The following WDR19 variants were observed in gnomAD, a reference collection of about 807,000 sequenced individuals.
WDR19 encodes the protein WD repeat-containing protein 19.
Under a neutral mutation model 180.0 loss-of-function variants are expected in WDR19, and 121 were observed. The ratio of observed to expected loss-of-function variants is 0.67; its 90% CI spans 0.58 to 0.78. WDR19 has a LOEUF of 0.78. WDR19 is among the 30% of genes least tolerant of loss of function. WDR19 has a pLI of 0.00. For synonymous variants in WDR19, 497 were observed against 540.7 expected (o/e 0.92, Z 1.12); for missense variants, 1,450 against 1,640.7 (o/e 0.88, Z 2.01).
chr4:39,186,905 T>G (rs35841916), intron 3 of WDR19, among the ~76,000 whole-genome samples: 15,267 of 152,186 alleles, frequency 0.1, 907 homozygotes, highest in East Asian at 0.21. Context: ...AGTCTTAGTG[T>G]TTGTATAGGC....
At chr4:39,274,623 G>T (rs1449638018) in intron 32 of WDR19, 185 bp from the exon 33 acceptor site, 2 of 620,946 alleles carry the variant, frequency 3.2e-6, no homozygotes, top group African/African-American at 3.7e-5. Context: ...CACTTGATGG[G>T]CAGTTAGCCT....
intron 31 of WDR19, among the ~76,000 whole-genome samples, chr4:39,270,538 G>A (rs1227031115): frequency 1.3e-5 from 2 of 152,054 alleles, no homozygotes; most frequent in Non-Finnish European, 2.9e-5. Context: ...ACCACACCCA[G>A]TTAATTTTTT....
chr4:39,269,473 T>C (rs536370824), intron 30 of WDR19, among the ~76,000 whole-genome samples: 41 of 152,304 alleles, frequency 2.7e-4, no homozygotes, highest in Admixed American at 9.1e-4. Context: ...GGGGGTGCCC[T>C]GAGGAAGAGT....
At chr4:39,278,019 A>G in intron 34 of WDR19, 112 bp from the exon 35 acceptor site, 1 of 884,446 alleles carries the variant, frequency 1.1e-6, no homozygotes, top group Non-Finnish European at 1.8e-6. Context: ...GTGCCACTGC[A>G]CTCCAGCCTG....
Position 39,278,543 on chromosome 4 carries a change from C to T in WDR19, c.3922C>T (p.Leu1308=). The part of the protein sequence containing the change: ...PALYSELKIM[L]NTESTCPMCS... The stretch of plus-strand genomic sequence containing the variant: ...GCCTTTCCCTCCCCTAAACAGCATG[C>T]TAAACACTGAAAGCACATGTCCTAT... Residue 1308 remains leucine, a synonymous_variant, in exon 36 of 37, where the codon CTA becomes TTA. Transcript: ENST00000399820. 1 of 1,611,174 alleles carries T rather than the reference C, an allele frequency of 6.2e-7. No individual in the cohort carries two copies. The highest frequency in any genetic ancestry group is 8.5e-7 in the Non-Finnish European group (1 of 1,178,134).
chr4:39,243,063 T>TA (rs1045286017), intron 21 of WDR19, among the ~76,000 whole-genome samples: 1 of 152,144 alleles, frequency 6.6e-6, no homozygotes, highest in Non-Finnish European at 1.5e-5. Context: ...CCAGTCTCTT[T>TA]AAAAAAACAG....
At position 39,232,331 on chromosome 4, in the gene WDR19, A is replaced by G. The variant is rs73136739; in HGVS notation, c.2253+59A>G. On this transcript the variant is annotated intron_variant, in intron 19 of 36. Transcript: ENST00000399820. ...GAGGTATCCAGTGGGGAAATGGGGG[A>G]AAAAAAAATGGGGCCGGGTGCAGCC... The G allele has an allele frequency of 6.4e-3, 8,090 of 1,260,106 alleles. 236 individuals are homozygous for G. In the African/African-American group the frequency reaches 0.078, roughly 12 times the overall value. The allele number at this position is 1,260,106 out of a possible 1,614,324, so 78.1% of individuals were successfully genotyped here.
At position 39,228,360 on chromosome 4, in the gene WDR19, A is replaced by G. The variant is rs1466276106; in HGVS notation, c.1777+3A>G. 1.2e-6 allele frequency: 2 copies of G among 1,606,494 alleles called. No individual in the cohort carries two copies. The highest frequency in any genetic ancestry group is 1.7e-6 in the Non-Finnish European group (2 of 1,174,688). ...CTTTCACAAGGACACTATACAAGGT[A>G]CTAAACCCCTTTTGTGTATATTCGC... On this transcript the variant is annotated splice_donor_region_variant and intron_variant, in intron 16 of 36. Transcript: ENST00000399820.
At chr4:39,206,514 T>C (rs1727969252) in intron 9 of WDR19, among the ~76,000 whole-genome samples, 1 of 152,206 alleles carries the variant, frequency 6.6e-6, no homozygotes, top group Non-Finnish European at 1.5e-5. Flanking sequence ...GTGGGAATTA[T>C]GTGGTAGAAC....
chr4:39,254,777 C>G (rs1330624761), intron 26 of WDR19, among the ~76,000 whole-genome samples: 2 of 152,110 alleles, frequency 1.3e-5, no homozygotes, highest in Non-Finnish European at 2.9e-5. Flanking sequence ...AATAATAATT[C>G]CCCATTGCCC....
chr4:39,262,779 C>T (rs527570052), intron 28 of WDR19, among the ~76,000 whole-genome samples: 3 of 152,138 alleles, frequency 2.0e-5, no homozygotes, highest in Admixed American at 6.5e-5. Context: ...CCTCAAGGTC[C>T]GGAACCCATC....
intron 36 of WDR19, among the ~76,000 whole-genome samples, chr4:39,280,127 T>G (rs971296210): frequency 4.6e-5 from 5 of 109,586 alleles, no homozygotes; most frequent in Non-Finnish European, 4.3e-5. Flanking sequence ...TTGTTTTTTT[T>G]TTTTTTTTTT....
intron 7 of WDR19, among the ~76,000 whole-genome samples, chr4:39,204,031 T>G (rs1727645374): frequency 1.3e-5 from 2 of 152,080 alleles, no homozygotes; most frequent in African/African-American, 4.8e-5. Context: ...TTTTAAAATT[T>G]TTACTCTATG....
chr4:39,198,729 G>A (rs895003208), intron 5 of WDR19, among the ~76,000 whole-genome samples: 6 of 152,162 alleles, frequency 3.9e-5, no homozygotes, highest in African/African-American at 1.4e-4. Context: ...GCCAGGTGCG[G>A]TGGCTCACGC....
intron 2 of WDR19, 96 bp downstream of exon 2, chr4:39,185,913 T>TAAA: frequency 2.4e-5 from 26 of 1,088,734 alleles, no homozygotes; most frequent in Non-Finnish European, 3.2e-5. Context: ...TTTTTTTTTT[T>TAAA]TAAATGGAGT....
intron 14 of WDR19, among the ~76,000 whole-genome samples, chr4:39,221,144 G>A (rs1257002555): frequency 6.6e-6 from 1 of 151,964 alleles, no homozygotes; most frequent in African/African-American, 2.4e-5. Context: ...CAGTAAGGTA[G>A]GTCTCATATA....
intron 3 of WDR19, among the ~76,000 whole-genome samples, chr4:39,188,213 G>A (rs949105721): frequency 2.0e-5 from 3 of 151,530 alleles, no homozygotes; most frequent in Non-Finnish European, 4.4e-5. Context: ...TTAATACCAA[G>A]ATGAAAAATA....
intron 24 of WDR19, among the ~76,000 whole-genome samples, chr4:39,248,081 A>G (rs1056716805): frequency 7.2e-5 from 11 of 152,342 alleles, no homozygotes; most frequent in African/African-American, 2.4e-4. Flanking sequence ...TGAAGGAAAA[A>G]ATGTTAAGTG....
At position 39,205,723 on chromosome 4, in the gene WDR19, T is replaced by A; in HGVS notation, c.877T>A (p.Cys293Ser). Residue 293 changes from cysteine to serine, a missense_variant, in exon 9 of 37, where the codon TGT becomes AGT. Coordinates refer to ENST00000399820, the MANE Select transcript of WDR19 (RefSeq NM_025132.4). ...VSQTLNKVAT[C>S]GDNCIKIQDL... ...ACAGACTCTTAACAAAGTTGCTACA[T>A]GTGGAGATAACTGGTAAGTTATTTT... The A allele has an allele frequency of 1.2e-6, 2 of 1,602,676 alleles. No homozygotes were observed. The highest frequency in any genetic ancestry group is 1.7e-6 in the Non-Finnish European group (2 of 1,174,062).
Sources: allele counts gnomAD v4.1 joint callset (sites outside exome capture counted in the v4.1 genomes callset), GRCh38; gene constraint gnomAD v4.1.1; transcripts MANE v1.5; gene names NCBI Gene and HGNC (gene_info 2026-07-23, HGNC 2026-07-21).